Variants in NVL observed in about 807,000 individuals in gnomAD.
NVL encodes the protein nuclear VCP like, also known as nuclear valosin-containing protein-like.
In NVL, 84 loss-of-function variants were observed where a neutral mutation model predicts 110.2. That is an observed-to-expected ratio of 0.76 (90% CI 0.64 to 0.91). The LOEUF is 0.91. Ranked by LOEUF, NVL falls within the 40% of genes least tolerant of loss-of-function variation. NVL has a pLI of 0.00. For missense variants in NVL, 882 were observed against 1,035.9 expected, an observed-to-expected ratio of 0.85 and a Z score of 2.04; for synonymous variants, 354 against 361.1, an observed-to-expected ratio of 0.98 and a Z score of 0.22.
At chr1:224,288,957 A>G (rs1667120071) in intron 13 of NVL, among the ~76,000 whole-genome samples, 1 of 152,240 alleles carries the variant, frequency 6.6e-6, no homozygotes. Flanking sequence ...CGACATGGAT[A>G]TAGTTGTGTC....
At chr1:224,251,746 T>C (rs920439608) in intron 18 of NVL, among the ~76,000 whole-genome samples, 2 of 152,278 alleles carry the variant, frequency 1.3e-5, no homozygotes, top group African/African-American at 4.8e-5. Flanking sequence ...TCTCAGATAA[T>C]GATCACCACA....
chr1:224,243,939 G>A (rs1283773174), intron 19 of NVL, among the ~76,000 whole-genome samples: 1 of 151,732 alleles, frequency 6.6e-6, no homozygotes, highest in Admixed American at 6.6e-5. Flanking sequence ...GATTACAGGC[G>A]TGAGCCACCA....
chr1:224,236,505 C>T lies in NVL; in HGVS notation c.2366+1G>A, dbSNP rs749048764. 3.1e-5 allele frequency: 50 copies of T among 1,610,570 alleles called. No homozygotes were observed. Among genetic ancestry groups the T allele is most frequent in the Non-Finnish European group, 8.5e-6 (10 of 1,176,976 alleles). ...AATTGACTTAAGATTTAAACACTTA[C>T]GTATAGCAATCACAGCGAAGGTCAC... On this transcript the variant is annotated splice_donor_variant, in intron 20 of 22. Coordinates refer to ENST00000281701, the MANE Select transcript of NVL (RefSeq NM_002533.4). LOFTEE classifies it high-confidence loss of function.
intron 20 of NVL, among the ~76,000 whole-genome samples, chr1:224,235,126 A>C (rs1660316926): frequency 6.6e-6 from 1 of 152,026 alleles, no homozygotes; most frequent in Admixed American, 6.6e-5. Context: ...CTACTCAAGT[A>C]GTAGTCTCCT....
intron 18 of NVL, among the ~76,000 whole-genome samples, chr1:224,267,716 G>T (rs904181940): frequency 8.0e-5 from 12 of 150,214 alleles, no homozygotes; most frequent in African/African-American, 2.9e-4. Flanking sequence ...AGTGTATGCT[G>T]CAACTGTTCT....
intron 14 of NVL, among the ~76,000 whole-genome samples, chr1:224,287,115 G>A (rs1349499547): frequency 6.6e-6 from 1 of 152,166 alleles, no homozygotes; most frequent in African/African-American, 2.4e-5. Flanking sequence ...CCTGTCATTT[G>A]CAGCAACATG....
rs759937562 is a variant in NVL at position 224,286,115 on chromosome 1, G to T, written c.1810C>A (p.Pro604Thr). Residue 604 changes from proline to threonine, a missense_variant, in exon 15 of 23, where the codon CCA becomes ACA. Pro to Thr is a conservative substitution (Grantham distance 38). Around this residue, in one of 4 missense-constraint regions of NVL, gnomAD observed 416 missense variants for 499.3 expected, o/e 0.83. Coordinates refer to ENST00000281701, the MANE Select transcript of NVL (RefSeq NM_002533.4). ...TMAILAPVRN[P>T]DQFKALGLVT... is the part of the protein sequence containing the mutation. ...AATCCAAGAGCTTTGAACTGGTCTG[G>T]GTTGCGTACTGGTGCCTGGAAATAA... 10 of 1,613,676 alleles carry T rather than the reference G, an allele frequency of 6.2e-6. 1 individual carries two copies. The South Asian group carries it at 1.1e-4, about 18-fold the overall frequency.
rs1220202180 is a variant in NVL, at chr1:224,286,141, T to C, written c.1795-11A>G. On this transcript the variant is annotated splice_polypyrimidine_tract_variant and intron_variant, in intron 14 of 22. Coordinates refer to ENST00000281701, the MANE Select transcript of NVL (RefSeq NM_002533.4). ...GTTGCGTACTGGTGCCTGGAAATAA[T>C]GATACAAACGGCGATCCATTACATG... The C allele has an allele frequency of 2.5e-6, 4 of 1,598,290 alleles. No individual in the cohort carries two copies. The Admixed American group carries it at 6.7e-5, about 27-fold the overall frequency.
intron 13 of NVL, 49 bp from the exon 14 acceptor site, chr1:224,288,042 C>G (rs1434725582): frequency 7.2e-7 from 1 of 1,382,752 alleles, no homozygotes. Context: ...ACCACAACAG[C>G]TATTGAAAAG....
chr1:224,275,591 TA>T, intron 16 of NVL, 133 bp from the exon 17 acceptor site: 2 of 1,114,584 alleles, frequency 1.8e-6, no homozygotes, highest in South Asian at 3.1e-5. Flanking sequence ...GAATGAACCA[TA>T]TACAATTGCT....
intron 17 of NVL, among the ~76,000 whole-genome samples, chr1:224,271,928 C>A (rs559710487): frequency 6.6e-6 from 1 of 151,828 alleles, no homozygotes; most frequent in Non-Finnish European, 1.5e-5. Flanking sequence ...GCAGGAGAAT[C>A]GCATGAACCC....
intron 18 of NVL, among the ~76,000 whole-genome samples, chr1:224,262,221 G>A (rs1664065550): frequency 6.6e-6 from 1 of 151,738 alleles, no homozygotes; most frequent in African/African-American, 2.4e-5. Flanking sequence ...TAGAAGGAAT[G>A]AGAATGACAT....
intron 2 of NVL, 104 bp downstream of exon 2, chr1:224,326,287 G>A: frequency 1.4e-6 from 1 of 721,934 alleles, no homozygotes; most frequent in Non-Finnish European, 2.4e-6. Context: ...GTGAACTAAT[G>A]CCAGCAGCTA....
In NVL at chr1:224,287,836, A is replaced by C. The variant is rs754945868; in HGVS notation, c.1733T>G (p.Val578Gly). 1.2e-6 allele frequency: 2 copies of C among 1,614,168 alleles called. No homozygotes were observed. Among genetic ancestry groups the C allele is most frequent in the Non-Finnish European group, 1.7e-6 (2 of 1,180,014 alleles). The change falls in exon 14 of 23, where the codon GTG (valine) becomes GGG (glycine). Residue 578 changes from valine (V) to glycine (G), a missense_variant. By Grantham distance (109) the Val-to-Gly change is moderately radical. Transcript: ENST00000281701. ...CAGGGCACCAATATCTGCCCATGTC[A>C]CATTAGGGACAGTGACAAAGCCTTC... ...KREGFVTVPN[V>G]TWADIGALED... is the part of the protein sequence containing the mutation.
intron 10 of NVL, 65 bp downstream of exon 10, chr1:224,300,497 A>C: frequency 8.6e-7 from 1 of 1,160,418 alleles, no homozygotes; most frequent in Non-Finnish European, 1.3e-6. Context: ...GCATCAGAAA[A>C]AGCAGGATCT....
At chr1:224,264,147 C>A (rs1281957270) in intron 18 of NVL, among the ~76,000 whole-genome samples, 1 of 152,154 alleles carries the variant, frequency 6.6e-6, no homozygotes, top group African/African-American at 2.4e-5. Context: ...TCTGGTCCAG[C>A]CACTCCAGCT....
intron 5 of NVL, among the ~76,000 whole-genome samples, chr1:224,308,686 A>G (rs1414391725): frequency 7.5e-4 from 95 of 125,862 alleles, no homozygotes; most frequent in Middle Eastern, 0.011. Flanking sequence ...GTGAGACTCC[A>G]TCTCAAAAAA....
intron 4 of NVL, 131 bp from the exon 5 acceptor site, chr1:224,311,988 G>A: frequency 1.5e-6 from 1 of 660,354 alleles, no homozygotes; most frequent in Non-Finnish European, 2.6e-6. Flanking sequence ...TGGAATCAGA[G>A]AAACTAGGAT....
At chr1:224,252,290 T>C (rs1204366156) in intron 18 of NVL, among the ~76,000 whole-genome samples, 1 of 152,110 alleles carries the variant, frequency 6.6e-6, no homozygotes, top group Non-Finnish European at 1.5e-5. Context: ...TGCCAGACCC[T>C]TGGTATCAGG....
Sources: allele counts gnomAD v4.1 joint callset (sites outside exome capture counted in the v4.1 genomes callset), GRCh38; gene constraint gnomAD v4.1.1; regional missense constraint gnomAD v4.1.1; transcripts MANE v1.5; gene names NCBI Gene and HGNC (gene_info 2026-07-23, HGNC 2026-07-21).